The following PUM1 variants were observed in gnomAD, a reference collection of about 807,000 sequenced individuals.
PUM1 encodes pumilio RNA binding family member 1, also known as pumilio homolog 1.
PUM1 carries 13 observed loss-of-function variants against 131.8 expected under a neutral mutation model. The observed-to-expected ratio is 0.10, with a 90% CI of 0.06 to 0.16. PUM1 has a LOEUF of 0.16. PUM1 is among the 10% of genes least tolerant of loss of function. The pLI is 1.00. For missense variants in PUM1, 961 were observed against 1,512.4 expected, an observed-to-expected ratio of 0.64 and a Z score of 6.05; for synonymous variants, 509 against 556.5, an observed-to-expected ratio of 0.91 and a Z score of 1.20.
At chr1:31,004,139 G>C (rs1642315117) in intron 5 of PUM1, among the ~76,000 whole-genome samples, 1 of 152,128 alleles carries the variant, frequency 6.6e-6, no homozygotes, top group Non-Finnish European at 1.5e-5. Flanking sequence ...AGTCTCCCAA[G>C]ACAAATGATA....
rs370426994 is a variant in PUM1, at chr1:30,964,731, A to C, written c.2266T>G (p.Ser756Ala). Residue 756 changes from serine (S) to alanine (A), a missense_variant, in exon 14 of 22, where the codon TCA (serine) becomes GCA (alanine). This residue lies in a region of PUM1 where 117 missense variants were observed against 200.7 expected (regional missense o/e 0.58). Coordinates refer to ENST00000426105, the MANE Select transcript of PUM1 (RefSeq NM_001020658.2). ...MPLPSQGPGHSQTPPPSLSSH... is the reference protein window; with the variant it reads ...MPLPSQGPGHAQTPPPSLSSH... ...GAGAGGGAAGGAGGTGGTGTCTGTG[A>C]ATGTCCTGGTCCCTGACTAGGGAGA... is the stretch of plus-strand genomic sequence containing the variant. 40 of 1,613,968 alleles carry C rather than the reference A, an allele frequency of 2.5e-5. No homozygotes were observed. Among genetic ancestry groups the C allele is most frequent in the Non-Finnish European group, 3.2e-5 (38 of 1,180,022 alleles).
chr1:31,037,800 C>T (rs1643661862), intron 2 of PUM1, among the ~76,000 whole-genome samples: 1 of 152,096 alleles, frequency 6.6e-6, no homozygotes, highest in Admixed American at 6.6e-5. Context: ...CCTGTAATCC[C>T]AGCACTTTGG....
chr1:31,031,158 C>CGT (rs1553151888), intron 2 of PUM1, among the ~76,000 whole-genome samples: 53 of 151,894 alleles, frequency 3.5e-4, no homozygotes, highest in Middle Eastern at 3.4e-3. Flanking sequence ...GAACTCTACA[C>CGT]GTTATATGAA....
intron 2 of PUM1, among the ~76,000 whole-genome samples, chr1:31,054,112 A>G (rs1293428305): frequency 1.3e-5 from 2 of 149,016 alleles, no homozygotes; most frequent in African/African-American, 2.5e-5. Flanking sequence ...AAAAAAAAAA[A>G]AAAAAAAAGG....
At chr1:30,953,367 G>A (rs1640027765) in intron 15 of PUM1, among the ~76,000 whole-genome samples, 1 of 152,144 alleles carries the variant, frequency 6.6e-6, no homozygotes, top group East Asian at 1.9e-4. Context: ...TTCTATAATA[G>A]TTTCTTCTCT....
chr1:30,982,200 TAAC>T (rs892593790), intron 7 of PUM1: 17 of 152,178 alleles, frequency 1.1e-4, no homozygotes, highest in African/African-American at 3.9e-4. Context: ...TCAAAGGCCT[TAAC>T]AACACTAAGA....
intron 7 of PUM1, among the ~76,000 whole-genome samples, chr1:30,990,943 T>C (rs945310452): frequency 6.6e-5 from 10 of 152,154 alleles, no homozygotes; most frequent in Admixed American, 2.0e-4. Flanking sequence ...TGTGGGTACA[T>C]AGAAGTACAT....
chr1:30,949,715 C>A, intron 17 of PUM1, among the ~76,000 whole-genome samples: 1 of 152,110 alleles, frequency 6.6e-6, no homozygotes, highest in East Asian at 1.9e-4. Context: ...CCATGCTGGG[C>A]AGGCCTTTGT....
intron 1 of PUM1, chr1:31,061,898 C>G (rs892069612): frequency 6.6e-6 from 1 of 152,246 alleles, no homozygotes; most frequent in African/African-American, 2.4e-5. Flanking sequence ...GGCTGCACAC[C>G]CGCTTGGGCG....
chr1:30,934,628 G>A (rs1345050016), intron 21 of PUM1, among the ~76,000 whole-genome samples: 1 of 152,170 alleles, frequency 6.6e-6, no homozygotes, highest in East Asian at 1.9e-4. Flanking sequence ...ATGCAATAAT[G>A]CTATACTTTC....
At chr1:30,969,641 TTTTTTTTTTG>T (rs1427748395) in intron 10 of PUM1, among the ~76,000 whole-genome samples, 1 of 151,876 alleles carries the variant, frequency 6.6e-6, no homozygotes, top group East Asian at 1.9e-4. Flanking sequence ...GGATCTACTT[TTTTTTTTTTG>T]GTGGGCGGCG....
At chr1:30,986,328 G>A (rs777355485) in intron 7 of PUM1, among the ~76,000 whole-genome samples, 4 of 152,076 alleles carry the variant, frequency 2.6e-5, no homozygotes, top group Admixed American at 6.6e-5. Context: ...AAATCCCTTC[G>A]AAACAGTAAA....
At chr1:31,001,971 C>T (rs554504662) in intron 5 of PUM1, among the ~76,000 whole-genome samples, 8 of 152,306 alleles carry the variant, frequency 5.3e-5, no homozygotes, top group Admixed American at 2.0e-4. Flanking sequence ...TGAGATTCTG[C>T]GTTTCTGATA....
At chr1:31,013,606 C>T (rs1406792321) in intron 3 of PUM1, among the ~76,000 whole-genome samples, 1 of 152,120 alleles carries the variant, frequency 6.6e-6, no homozygotes, top group East Asian at 1.9e-4. Flanking sequence ...TAAGACAGAC[C>T]AACAACCAAA....
At chr1:31,049,937 C>A (rs1644069192) in intron 2 of PUM1, among the ~76,000 whole-genome samples, 1 of 142,422 alleles carries the variant, frequency 7.0e-6, no homozygotes, top group South Asian at 2.3e-4. Context: ...TCAAGTGATT[C>A]TCCTGCCTCA....
intron 2 of PUM1, among the ~76,000 whole-genome samples, chr1:31,054,236 A>G (rs1008102530): frequency 7.9e-5 from 12 of 152,154 alleles, no homozygotes; most frequent in South Asian, 4.2e-4. Context: ...AAGGCAGAAG[A>G]ATCGCTTGAG....
intron 18 of PUM1, among the ~76,000 whole-genome samples, chr1:30,944,784 G>A (rs1639599883): frequency 6.6e-6 from 1 of 152,198 alleles, no homozygotes; most frequent in African/African-American, 2.4e-5. Context: ...CTTCAAATAT[G>A]AGATTTCATC....
At chr1:31,049,313 C>T (rs1010343066) in intron 2 of PUM1, among the ~76,000 whole-genome samples, 2 of 152,098 alleles carry the variant, frequency 1.3e-5, no homozygotes, top group East Asian at 1.9e-4. Flanking sequence ...GTCAGGAGTT[C>T]GAGACCAGCC....
intron 9 of PUM1, among the ~76,000 whole-genome samples, chr1:30,978,367 T>A (rs531481428): frequency 6.6e-6 from 1 of 152,296 alleles, no homozygotes; most frequent in Non-Finnish European, 1.5e-5. Context: ...TGACAAAAGT[T>A]AAGTGCTCAA....
Sources: allele counts gnomAD v4.1 joint callset (sites outside exome capture counted in the v4.1 genomes callset), GRCh38; gene constraint gnomAD v4.1.1; regional missense constraint gnomAD v4.1.1; transcripts MANE v1.5; gene names NCBI Gene and HGNC (gene_info 2026-07-23, HGNC 2026-07-21).